Variants in ROBO2 observed in about 807,000 individuals in gnomAD.
The protein encoded by ROBO2 is roundabout guidance receptor 2, also known as roundabout homolog 2.
A neutral mutation model predicts 160.8 loss-of-function variants in ROBO2; 53 were observed. That is an observed-to-expected ratio of 0.33 (90% CI 0.26 to 0.41). The LOEUF is 0.41. Ranked by LOEUF, ROBO2 falls within the 10% of genes least tolerant of loss-of-function variation. ROBO2 has a pLI of 1.00. For missense variants in ROBO2, 1,577 were observed against 1,722.4 expected (o/e 0.92, Z 1.49); for synonymous variants, 664 against 611.7 (o/e 1.09, Z -1.26).
intron 2 of ROBO2, among the ~76,000 whole-genome samples, chr3:76,493,555 AT>A (rs888099670): frequency 2.2e-4 from 34 of 151,458 alleles, no homozygotes; most frequent in African/African-American, 7.8e-4. Context: ...AAAACATATT[AT>A]TTTTTCCTAT....
intron 2 of ROBO2, among the ~76,000 whole-genome samples, chr3:77,301,138 G>T (rs111377128): frequency 0.025 from 3,804 of 151,848 alleles, 71 homozygotes; most frequent in Non-Finnish European, 0.042. Context: ...CGAAGTGCTG[G>T]GATTACAGGC....
chr3:76,314,017 A>G (rs1214048195), intron 2 of ROBO2, among the ~76,000 whole-genome samples: 1 of 152,180 alleles, frequency 6.6e-6, no homozygotes, highest in African/African-American at 2.4e-5. Context: ...ACTTGTCAGA[A>G]CATTTGGAAA....
intron 2 of ROBO2, among the ~76,000 whole-genome samples, chr3:77,414,869 G>T (rs1015053685): frequency 8.5e-5 from 13 of 152,152 alleles, no homozygotes; most frequent in Admixed American, 8.5e-4. Context: ...ATTGCATATG[G>T]CTCCTGTTAG....
intron 2 of ROBO2, among the ~76,000 whole-genome samples, chr3:76,771,740 T>A (rs951696679): frequency 3.9e-4 from 59 of 151,360 alleles, no homozygotes; most frequent in Non-Finnish European, 6.7e-4. Flanking sequence ...TATTTTAAAA[T>A]TTGCTTTTAG....
chr3:77,558,070 A>T (rs1386924575), exon 9 of ROBO2: 1 of 1,613,274 alleles, frequency 6.2e-7, no homozygotes, highest in East Asian at 2.2e-5. Flanking sequence ...AGCTGGTTAA[A>T]GGAGGGATTT....
Position 76,356,823 on chromosome 3 carries a change from C to T in ROBO2, c.109+419221C>T, listed in dbSNP as rs545527565. ...TGCAGAAAGTATATTTTTTCAAGATCGTAGAAAACGTTGACCAAGATAGAT... is the reference window on the plus strand; with the variant it reads ...TGCAGAAAGTATATTTTTTCAAGATTGTAGAAAACGTTGACCAAGATAGAT... On this transcript the variant is annotated intron_variant, in intron 2 of 26. Transcript: ENST00000487694. Among the ~76,000 whole-genome samples, 3 of 151,544 alleles carry T rather than the reference C, an allele frequency of 2.0e-5. No homozygotes were observed. The South Asian group carries it at 6.2e-4, about 31-fold the overall frequency.
chr3:76,463,398 T>G (rs1247619450), intron 2 of ROBO2, among the ~76,000 whole-genome samples: 2 of 151,030 alleles, frequency 1.3e-5, no homozygotes, highest in African/African-American at 4.9e-5. Context: ...TAAAAAAAAC[T>G]ATAATTTTCA....
intron 2 of ROBO2, among the ~76,000 whole-genome samples, chr3:77,166,781 G>C (rs1006468342): frequency 1.3e-5 from 2 of 152,030 alleles, no homozygotes; most frequent in African/African-American, 2.4e-5. Flanking sequence ...GGATGGTCTC[G>C]ATCTCCTGAC....
chr3:76,936,341 GTTTA>G (rs896068205), intron 2 of ROBO2, among the ~76,000 whole-genome samples: 6 of 152,060 alleles, frequency 3.9e-5, no homozygotes, highest in African/African-American at 1.4e-4. Flanking sequence ...TCTAATCATG[GTTTA>G]TTTATTGTAT....
chr3:76,732,318 T>G (rs1389202375), intron 2 of ROBO2, among the ~76,000 whole-genome samples: 1 of 152,144 alleles, frequency 6.6e-6, no homozygotes, highest in Non-Finnish European at 1.5e-5. Flanking sequence ...TTGAAGTACA[T>G]TTTGAAATCT....
chr3:76,646,873 A>C (rs2090995958), intron 2 of ROBO2, among the ~76,000 whole-genome samples: 1 of 152,224 alleles, frequency 6.6e-6, no homozygotes, highest in Non-Finnish European at 1.5e-5. Context: ...CTGAAAAGAC[A>C]TGATAGTAAG....
At chr3:76,217,567 A>G (rs999073116) in intron 2 of ROBO2, among the ~76,000 whole-genome samples, 2 of 152,216 alleles carry the variant, frequency 1.3e-5, no homozygotes, top group African/African-American at 2.4e-5. Flanking sequence ...ATCTAGAAGA[A>G]ATGGATAAAT....
intron 2 of ROBO2, among the ~76,000 whole-genome samples, chr3:76,059,717 T>C (rs2068000076): frequency 6.6e-6 from 1 of 152,216 alleles, no homozygotes; most frequent in East Asian, 1.9e-4. Flanking sequence ...AGACATGAAG[T>C]CCTTGCCCAT....
chr3:75,950,300 C>G (rs1399888381), intron 2 of ROBO2, among the ~76,000 whole-genome samples: 2 of 151,998 alleles, frequency 1.3e-5, no homozygotes, highest in African/African-American at 4.8e-5. Context: ...CCTCACATTC[C>G]CAAATCTCAA....
At chr3:76,989,919 G>T (rs371169800) in intron 2 of ROBO2, among the ~76,000 whole-genome samples, 13 of 152,184 alleles carry the variant, frequency 8.5e-5, no homozygotes, top group East Asian at 7.7e-4. Flanking sequence ...ACACTTAAAA[G>T]GTTGATTATT....
chr3:77,519,682 T>C (rs1356015358), intron 5 of ROBO2, among the ~76,000 whole-genome samples: 2 of 151,506 alleles, frequency 1.3e-5, no homozygotes, highest in African/African-American at 4.8e-5. Context: ...CCACTGTTGA[T>C]GGGCACCTAG....
chr3:77,621,754 T>C (rs2094905204), intron 22 of ROBO2, among the ~76,000 whole-genome samples: 3 of 151,940 alleles, frequency 2.0e-5, no homozygotes, highest in Admixed American at 2.0e-4. Flanking sequence ...GGGTGGGAAA[T>C]GTGTTCAGGG....
chr3:76,354,793 AAG>A (rs1559811564), intron 2 of ROBO2, among the ~76,000 whole-genome samples: 5 of 151,848 alleles, frequency 3.3e-5, no homozygotes, highest in Non-Finnish European at 7.4e-5. Flanking sequence ...AGTAGAGGAA[AAG>A]AGAAGCCTCA....
At position 76,636,357 on chromosome 3, in the gene ROBO2, G is replaced by A. The variant is rs74921979; in HGVS notation, c.110-461657G>A. On this transcript the variant is annotated intron_variant, in intron 2 of 26. Transcript: ENST00000487694. ...TGACATCTGCCTGTCATCTTTAGCT[G>A]TAAACTACCTTTAGATGAAGTTGCA... Among the ~76,000 whole-genome samples, 472 of 152,310 alleles carry A rather than the reference G, an allele frequency of 3.1e-3. 4 individuals carry two copies. The highest frequency in any genetic ancestry group is 0.011 in the African/African-American group (439 of 41,576).
Sources: gnomAD v4.1 joint callset for allele counts (sites outside exome capture counted in the v4.1 genomes callset) on GRCh38, gnomAD v4.1.1 for gene constraint, MANE v1.5 for transcripts, NCBI Gene and HGNC (gene_info 2026-07-23, HGNC 2026-07-21) for gene names.